Variants in LSAMP observed in about 807,000 individuals in gnomAD.
LSAMP encodes the protein limbic system-associated membrane protein.
A neutral mutation model predicts 38.6 loss-of-function variants in LSAMP; 7 were observed. The observed-to-expected ratio is 0.18, with a 90% CI of 0.10 to 0.34. The LOEUF (loss-of-function observed/expected upper bound fraction) is 0.34, where lower values mean the gene tolerates loss of function less well. LSAMP is among the 10% of genes least tolerant of loss of function. The pLI, the probability that LSAMP is intolerant of heterozygous loss-of-function variation, is 1.00. For missense variants in LSAMP, 313 were observed against 420.0 expected (o/e 0.75, Z 2.23); for synonymous variants, 154 against 166.8 (o/e 0.92, Z 0.59).
Position 116,198,581 on chromosome 3 carries a change from AACAC to A in LSAMP, c.156-112029_156-112026del, listed in dbSNP as rs552309693. On this transcript the variant is annotated intron_variant, in intron 1 of 6. Coordinates refer to ENST00000490035, the MANE Select transcript of LSAMP (RefSeq NM_002338.5). Reference sequence around the variant, plus strand: ...CCAGGAGATCGAGACCATCCCGGCTAACACAGTGAAACCCCGTCTCTACTAAAAA... The same window carrying A: ...CCAGGAGATCGAGACCATCCCGGCTAAGTGAAACCCCGTCTCTACTAAAAA... Among the ~76,000 whole-genome samples the A allele has an allele frequency of 1.6e-3, 247 of 151,422 alleles. 1 individual carries two copies. Among genetic ancestry groups the A allele is most frequent in the African/African-American group, 5.4e-3 (221 of 41,208 alleles).
At chr3:116,214,318 G>T (rs1388379609) in intron 1 of LSAMP, among the ~76,000 whole-genome samples, 1 of 152,066 alleles carries the variant, frequency 6.6e-6, no homozygotes, top group Admixed American at 6.6e-5. Context: ...CGTGTTCAAA[G>T]AATTGATCAT....
rs567999134 is a variant in LSAMP at position 116,202,373 on chromosome 3, G to C, written c.156-115817C>G. Among the ~76,000 whole-genome samples, 5 of 152,088 alleles carry C rather than the reference G, an allele frequency of 3.3e-5. No homozygotes were observed. In the East Asian group the frequency reaches 7.8e-4, roughly 24 times the overall value. On this transcript the variant is annotated intron_variant, in intron 1 of 6. Coordinates refer to ENST00000490035, the MANE Select transcript of LSAMP (RefSeq NM_002338.5). ...AATCTTGAACTCCTGACCTTGAGTGGTCTGCCCACCACAGCCTCCCAAAGT... is the reference window on the plus strand; with the variant it reads ...AATCTTGAACTCCTGACCTTGAGTGCTCTGCCCACCACAGCCTCCCAAAGT...
chr3:116,373,812 TC>T (rs1333358569), intron 1 of LSAMP, among the ~76,000 whole-genome samples: 1 of 151,860 alleles, frequency 6.6e-6, no homozygotes, highest in Non-Finnish European at 1.5e-5. Flanking sequence ...GGATCTGGAT[TC>T]CCACACACCC....
chr3:116,045,256 G>A (rs183118996), intron 2 of LSAMP, among the ~76,000 whole-genome samples: 8 of 152,232 alleles, frequency 5.3e-5, no homozygotes, highest in Middle Eastern at 3.4e-3. Context: ...TCTAAATTCT[G>A]CACTTTATTA....
chr3:116,173,140 G>A (rs1407179446), intron 1 of LSAMP, among the ~76,000 whole-genome samples: 1 of 151,956 alleles, frequency 6.6e-6, no homozygotes, highest in East Asian at 1.9e-4. Context: ...TGGGTAACTT[G>A]CACATCCCTG....
intron 2 of LSAMP, among the ~76,000 whole-genome samples, chr3:116,059,209 T>A (rs1941548143): frequency 6.6e-6 from 1 of 152,258 alleles, no homozygotes; most frequent in African/African-American, 2.4e-5. Context: ...AATCTTATTT[T>A]ACTTCTTGGT....
intron 3 of LSAMP, among the ~76,000 whole-genome samples, chr3:115,880,502 G>A (rs1183618626): frequency 6.6e-6 from 1 of 152,038 alleles, no homozygotes; most frequent in African/African-American, 2.4e-5. Flanking sequence ...TTCCTCTTGA[G>A]ATGCTCTTGA....
At chr3:116,123,649 T>C (rs972356912) in intron 1 of LSAMP, among the ~76,000 whole-genome samples, 7 of 152,224 alleles carry the variant, frequency 4.6e-5, no homozygotes, top group South Asian at 4.1e-4. Context: ...TTATTTTAAA[T>C]GGATAAGGGT....
At chr3:116,166,860 A>G (rs964357189) in intron 1 of LSAMP, among the ~76,000 whole-genome samples, 3 of 136,822 alleles carry the variant, frequency 2.2e-5, no homozygotes, top group Admixed American at 8.4e-5. Context: ...GCGCGATCTC[A>G]GCTCACTGCA....
Position 116,350,789 on chromosome 3 carries a change from A to G in LSAMP, c.155+94088T>C, listed in dbSNP as rs77753962. Among the ~76,000 whole-genome samples, 12 of 152,154 alleles carry G rather than the reference A, an allele frequency of 7.9e-5. No individual in the cohort carries two copies. In the East Asian group the frequency reaches 2.1e-3, roughly 27 times the overall value. On this transcript the variant is annotated intron_variant, in intron 1 of 6. Transcript: ENST00000490035. ...TTGTATGCTGAGGTTGCTAAGGTCTATGGTAAGAAAAAATCTTCTATCCGT... is the reference window on the plus strand; with the variant it reads ...TTGTATGCTGAGGTTGCTAAGGTCTGTGGTAAGAAAAAATCTTCTATCCGT...
At chr3:116,031,810 A>G (rs1313194094) in intron 2 of LSAMP, among the ~76,000 whole-genome samples, 33 of 151,986 alleles carry the variant, frequency 2.2e-4, no homozygotes. Flanking sequence ...CTCAAAGCTT[A>G]CCATGAACCA....
intron 3 of LSAMP, among the ~76,000 whole-genome samples, chr3:115,858,586 G>T (rs1291696206): frequency 2.0e-5 from 3 of 152,096 alleles, no homozygotes; most frequent in Admixed American, 2.0e-4. Context: ...GCTTGAAATG[G>T]GGTTGCTATT....
intron 6 of LSAMP, among the ~76,000 whole-genome samples, chr3:115,840,667 G>T (rs945030618): frequency 3.3e-5 from 5 of 152,156 alleles, no homozygotes; most frequent in African/African-American, 1.2e-4. Context: ...GGATCTTAAA[G>T]AGTTTTAAAA....
chr3:115,810,556 G>C (rs1333287204), intron 6 of LSAMP, 142 bp from the exon 7 acceptor site: 2 of 681,632 alleles, frequency 2.9e-6, no homozygotes, highest in Non-Finnish European at 5.2e-6. Context: ...TGCAGCCCAA[G>C]AAGCGCTCAA....
chr3:116,009,275 C>T (rs1940256161), intron 3 of LSAMP, among the ~76,000 whole-genome samples: 1 of 152,096 alleles, frequency 6.6e-6, no homozygotes, highest in Non-Finnish European at 1.5e-5. Flanking sequence ...AGCAGCAGTG[C>T]TCACATTACC....
intron 1 of LSAMP, among the ~76,000 whole-genome samples, chr3:116,201,969 G>A (rs936999397): frequency 1.3e-5 from 2 of 151,964 alleles, no homozygotes; most frequent in African/African-American, 4.8e-5. Context: ...ACTACTTAGT[G>A]GTGTTTCTTG....
intron 1 of LSAMP, among the ~76,000 whole-genome samples, chr3:116,409,289 T>C (rs1438824449): frequency 6.6e-6 from 1 of 152,054 alleles, no homozygotes; most frequent in Non-Finnish European, 1.5e-5. Context: ...TTAGGATGAC[T>C]TCAGTCATCT....
chr3:115,867,822 A>G (rs1034316862), intron 3 of LSAMP, among the ~76,000 whole-genome samples: 1 of 152,188 alleles, frequency 6.6e-6, no homozygotes, highest in Non-Finnish European at 1.5e-5. Context: ...TTGATATGAC[A>G]TATAATAATC....
At chr3:116,285,426 C>T (rs1247700297) in intron 1 of LSAMP, among the ~76,000 whole-genome samples, 1 of 152,074 alleles carries the variant, frequency 6.6e-6, no homozygotes. Context: ...GCCAGGTAAC[C>T]TTCGTAAATG....
Sources: gnomAD v4.1 joint callset for allele counts (sites outside exome capture counted in the v4.1 genomes callset) on GRCh38, gnomAD v4.1.1 for gene constraint, MANE v1.5 for transcripts, NCBI Gene and HGNC (gene_info 2026-07-23, HGNC 2026-07-21) for gene names.